The following C12orf42 variants were observed in gnomAD, a reference collection of about 807,000 sequenced individuals.
C12orf42 encodes uncharacterized protein C12orf42.
C12orf42 carries 25 observed loss-of-function variants against 21.6 expected under a neutral mutation model. The ratio of observed to expected loss-of-function variants is 1.16; its 90% CI spans 0.84 to 1.62. The LOEUF (loss-of-function observed/expected upper bound fraction) is 1.62, where lower values mean the gene tolerates loss of function less well. Ranked by LOEUF, C12orf42 falls within the 40% of genes most tolerant of loss-of-function variation. The pLI is 0.00. For synonymous variants in C12orf42, 174 were observed against 175.0 expected, an observed-to-expected ratio of 0.99 and a Z score of 0.05; for missense variants, 483 against 459.3, an observed-to-expected ratio of 1.05 and a Z score of -0.47.
intron 3 of C12orf42, among the ~76,000 whole-genome samples, chr12:103,385,581 A>G (rs531480808): frequency 6.6e-6 from 1 of 152,320 alleles, no homozygotes; most frequent in East Asian, 1.9e-4. Context: ...TATAATAATA[A>G]TGTTTTTAAA....
intron 2 of C12orf42, among the ~76,000 whole-genome samples, chr12:103,475,071 C>CA (rs1953940629): frequency 6.6e-6 from 1 of 152,194 alleles, no homozygotes; most frequent in South Asian, 2.1e-4. Context: ...CCTGGAATGG[C>CA]AAATGCTTCC....
intron 3 of C12orf42, among the ~76,000 whole-genome samples, chr12:103,399,511 AAAGAAG>A (rs139372776): frequency 5.6e-5 from 8 of 142,744 alleles, no homozygotes; most frequent in African/African-American, 1.0e-4. Flanking sequence ...AAAAAAAAAA[AAAGAAG>A]AAGAAGAAAG....
chr12:103,368,484 A>G (rs750291931), intron 4 of C12orf42, among the ~76,000 whole-genome samples: 1 of 152,048 alleles, frequency 6.6e-6, no homozygotes, highest in Non-Finnish European at 1.5e-5. Context: ...AGTCTGGCCA[A>G]TCAGAGCCAT....
the C12orf42 span, among the ~76,000 whole-genome samples, chr12:103,169,077 T>G: frequency 2.0e-5 from 3 of 151,958 alleles, no homozygotes; most frequent in Non-Finnish European, 4.4e-5. Flanking sequence ...GGTTGATTGG[T>G]GCAGCAAACC....
At chr12:103,110,144 G>C in the C12orf42 span, among the ~76,000 whole-genome samples, 2 of 152,198 alleles carry the variant, frequency 1.3e-5, no homozygotes, top group African/African-American at 4.8e-5. Context: ...CCTCTTTGGA[G>C]AGTAATAACC....
At chr12:103,091,037 C>T in the C12orf42 span, among the ~76,000 whole-genome samples, 1 of 151,188 alleles carries the variant, frequency 6.6e-6, no homozygotes, top group South Asian at 2.1e-4. Flanking sequence ...TGAGTATTGA[C>T]ATTCTTGTGC....
At chr12:103,206,374 GT>G in the C12orf42 span, among the ~76,000 whole-genome samples, 2 of 152,188 alleles carry the variant, frequency 1.3e-5, no homozygotes, top group Non-Finnish European at 2.9e-5. Context: ...GCCTTTACTG[GT>G]TATCTTTGCA....
At chr12:103,247,090 A>T (rs2034046894) in intron 10 of C12orf42, among the ~76,000 whole-genome samples, 1 of 152,040 alleles carries the variant, frequency 6.6e-6, no homozygotes, top group Admixed American at 6.6e-5. Context: ...CAAACTATAA[A>T]ATCAGTATTT....
At chr12:103,502,520 C>T in the C12orf42 span, among the ~76,000 whole-genome samples, 3 of 152,138 alleles carry the variant, frequency 2.0e-5, no homozygotes, top group Admixed American at 2.0e-4. Context: ...GCTCTTGCCA[C>T]TCCCTTTGCA....
At chr12:103,055,984 TCAGGCAC>T in the C12orf42 span, among the ~76,000 whole-genome samples, 1 of 152,100 alleles carries the variant, frequency 6.6e-6, no homozygotes, top group Non-Finnish European at 1.5e-5. Flanking sequence ...TATAGATCCT[TCAGGCAC>T]TAAAAAGCAT....
At chr12:103,118,629 T>G in the C12orf42 span, among the ~76,000 whole-genome samples, 5 of 151,804 alleles carry the variant, frequency 3.3e-5, no homozygotes, top group Non-Finnish European at 5.9e-5. Context: ...AAACCCCGTC[T>G]CTACTAAAAA....
chr12:103,347,655 C>G (rs2042747959), intron 4 of C12orf42, among the ~76,000 whole-genome samples: 1 of 152,126 alleles, frequency 6.6e-6, no homozygotes, highest in East Asian at 1.9e-4. Context: ...CTACTAAAAT[C>G]TAAGCCTGAG....
intron 2 of C12orf42, chr12:103,476,768 T>G (rs951930745): frequency 6.6e-6 from 1 of 152,198 alleles, no homozygotes; most frequent in Non-Finnish European, 1.5e-5. Flanking sequence ...TGATGCTAAT[T>G]TTCTTCATCA....
chr12:103,174,467 A>G, the C12orf42 span, among the ~76,000 whole-genome samples: 2 of 152,200 alleles, frequency 1.3e-5, no homozygotes, highest in Admixed American at 1.3e-4. Flanking sequence ...AGATACTAGC[A>G]TCAGCATTCT....
the C12orf42 span, among the ~76,000 whole-genome samples, chr12:103,524,813 T>C: frequency 6.6e-6 from 1 of 152,316 alleles, no homozygotes; most frequent in South Asian, 2.1e-4. Flanking sequence ...CTTTCAGGCA[T>C]GCCTGTGATA....
intron 4 of C12orf42, among the ~76,000 whole-genome samples, chr12:103,365,041 A>C (rs2044475128): frequency 6.6e-6 from 1 of 152,042 alleles, no homozygotes; most frequent in Admixed American, 6.6e-5. Context: ...ATACAGACCA[A>C]TATCCCTCAT....
At chr12:103,165,456 T>C in the C12orf42 span, among the ~76,000 whole-genome samples, 1 of 152,132 alleles carries the variant, frequency 6.6e-6, no homozygotes, top group South Asian at 2.1e-4. Flanking sequence ...AATTCACCTG[T>C]GAAGTGAGGG....
intron 2 of C12orf42, among the ~76,000 whole-genome samples, chr12:103,455,432 A>C (rs1952222067): frequency 6.6e-6 from 1 of 152,070 alleles, no homozygotes; most frequent in South Asian, 2.1e-4. Flanking sequence ...GGGCTGAAAA[A>C]CGTGGTCCAA....
At chr12:103,076,227 T>A in the C12orf42 span, among the ~76,000 whole-genome samples, 1 of 151,520 alleles carries the variant, frequency 6.6e-6, no homozygotes, top group Non-Finnish European at 1.5e-5. Context: ...TAACTTAAAG[T>A]ATAATGATAA....
Sources: gnomAD v4.1 joint callset for allele counts (sites outside exome capture counted in the v4.1 genomes callset) on GRCh38, gnomAD v4.1.1 for gene constraint, MANE v1.5 for transcripts, NCBI Gene and HGNC (gene_info 2026-07-23, HGNC 2026-07-21) for gene names.